Variants in NXPE2 observed in about 807,000 individuals in gnomAD.
NXPE2 encodes NXPE family member 2.
In NXPE2, 34 loss-of-function variants were observed where a neutral mutation model predicts 34.4. The observed-to-expected ratio is 0.99, with a 90% CI of 0.75 to 1.31. NXPE2 has a LOEUF of 1.31. NXPE2 is among the 40% of genes most tolerant of loss of function. NXPE2 has a pLI of 0.00. For missense variants in NXPE2, 649 were observed against 672.5 expected (o/e 0.97, Z 0.39); for synonymous variants, 235 against 231.3 (o/e 1.02, Z -0.15).
At chr11:114,466,622 G>A in the NXPE2 span, among the ~76,000 whole-genome samples, 1 of 151,544 alleles carries the variant, frequency 6.6e-6, no homozygotes, top group African/African-American at 2.4e-5. Flanking sequence ...ATTTTCTATT[G>A]TGAGAGTAGT....
the NXPE2 span, among the ~76,000 whole-genome samples, chr11:114,524,275 TG>T: frequency 6.7e-6 from 1 of 148,636 alleles, no homozygotes; most frequent in Non-Finnish European, 1.5e-5. Context: ...TAGCCACAAC[TG>T]GTTTCTATTA....
At chr11:114,614,419 T>A in the NXPE2 span, among the ~76,000 whole-genome samples, 4 of 151,948 alleles carry the variant, frequency 2.6e-5, no homozygotes, top group Non-Finnish European at 5.9e-5. Flanking sequence ...TGTTACCCAG[T>A]GGATAATAAG....
the NXPE2 span, chr11:114,594,703 G>A: frequency 1.9e-6 from 3 of 1,604,498 alleles, no homozygotes; most frequent in South Asian, 2.2e-5. Flanking sequence ...TGATCCAGGA[G>A]GCTAATATAA....
the NXPE2 span, among the ~76,000 whole-genome samples, chr11:114,593,121 G>T: frequency 6.6e-6 from 1 of 152,036 alleles, no homozygotes; most frequent in Non-Finnish European, 1.5e-5. Context: ...TGTAGCCAGA[G>T]GATTTTTGGA....
At chr11:114,654,286 C>T in the NXPE2 span, among the ~76,000 whole-genome samples, 8 of 152,122 alleles carry the variant, frequency 5.3e-5, no homozygotes, top group African/African-American at 1.9e-4. Flanking sequence ...ACATGCTCTG[C>T]CACATTCAAG....
At chr11:114,793,612 T>C in the NXPE2 span, among the ~76,000 whole-genome samples, 2 of 152,090 alleles carry the variant, frequency 1.3e-5, no homozygotes, top group Non-Finnish European at 2.9e-5. Flanking sequence ...GCAGAGAAGA[T>C]TGGGTAGTAA....
the NXPE2 span, among the ~76,000 whole-genome samples, chr11:114,743,958 T>C: frequency 1.1e-4 from 17 of 151,866 alleles, no homozygotes; most frequent in Admixed American, 9.2e-4. Flanking sequence ...TGCATATATA[T>C]GTATATTTTT....
At chr11:114,629,285 A>G in the NXPE2 span, among the ~76,000 whole-genome samples, 7 of 152,108 alleles carry the variant, frequency 4.6e-5, no homozygotes, top group Non-Finnish European at 1.0e-4. Flanking sequence ...AATACTGGCA[A>G]ACGGAATCCA....
chr11:114,558,762 C>T, the NXPE2 span, among the ~76,000 whole-genome samples: 1 of 152,126 alleles, frequency 6.6e-6, no homozygotes, highest in East Asian at 1.9e-4. Flanking sequence ...GTTTTGAAAG[C>T]AGAATGGCAA....
At chr11:114,582,435 T>C in the NXPE2 span, 8 of 1,614,190 alleles carry the variant, frequency 5.0e-6, no homozygotes, top group African/African-American at 8.0e-5. Context: ...CTGGCACAAT[T>C]CAGCATTTGT....
At chr11:114,510,704 A>G in the NXPE2 span, among the ~76,000 whole-genome samples, 11 of 152,228 alleles carry the variant, frequency 7.2e-5, no homozygotes, top group African/African-American at 1.9e-4. Flanking sequence ...TTCTGCAGGC[A>G]TGAAGAGAGA....
the NXPE2 span, among the ~76,000 whole-genome samples, chr11:114,660,710 T>A: frequency 6.6e-6 from 1 of 152,134 alleles, no homozygotes; most frequent in Non-Finnish European, 1.5e-5. Context: ...AAATCAATAA[T>A]GTTCAATCTT....
chr11:114,723,162 G>C, the NXPE2 span, among the ~76,000 whole-genome samples: 1 of 152,156 alleles, frequency 6.6e-6, no homozygotes, highest in Non-Finnish European at 1.5e-5. Flanking sequence ...AACTGGATTG[G>C]AGACGGTAAC....
the NXPE2 span, among the ~76,000 whole-genome samples, chr11:114,534,629 G>A: frequency 2.0e-5 from 3 of 152,306 alleles, no homozygotes; most frequent in South Asian, 4.1e-4. Context: ...CGAGAGCTAC[G>A]TGACAAATGC....
At chr11:114,659,334 G>T in the NXPE2 span, among the ~76,000 whole-genome samples, 1 of 152,050 alleles carries the variant, frequency 6.6e-6, no homozygotes. Context: ...CAGTCATCAA[G>T]ATGAAGTATC....
At chr11:114,585,376 T>C in the NXPE2 span, among the ~76,000 whole-genome samples, 783 of 152,226 alleles carry the variant, frequency 5.1e-3, 4 homozygotes, top group African/African-American at 0.017. Flanking sequence ...TCTATCCTTC[T>C]GCAAGAGATT....
chr11:114,593,385 C>T, the NXPE2 span, among the ~76,000 whole-genome samples: 1 of 151,944 alleles, frequency 6.6e-6, no homozygotes, highest in Non-Finnish European at 1.5e-5. Flanking sequence ...TAGACACTTA[C>T]TAGAAGATAT....
At chr11:114,783,465 T>C in the NXPE2 span, among the ~76,000 whole-genome samples, 2 of 152,188 alleles carry the variant, frequency 1.3e-5, no homozygotes, top group Non-Finnish European at 2.9e-5. Context: ...CACTAAAATA[T>C]GACCGAAAGA....
the NXPE2 span, among the ~76,000 whole-genome samples, chr11:114,744,642 T>C: frequency 3.3e-5 from 5 of 151,906 alleles, no homozygotes; most frequent in Non-Finnish European, 5.9e-5. Flanking sequence ...AAATCCAGGC[T>C]CTACAAAAAA....
Sources: gnomAD v4.1 joint callset for allele counts (sites outside exome capture counted in the v4.1 genomes callset) on GRCh38, gnomAD v4.1.1 for gene constraint, MANE v1.5 for transcripts, NCBI Gene and HGNC (gene_info 2026-07-23, HGNC 2026-07-21) for gene names.